The following ZMYM2 variants were observed in gnomAD, a reference collection of about 807,000 sequenced individuals.
ZMYM2 encodes zinc finger MYM-type containing 2.
A neutral mutation model predicts 162.8 loss-of-function variants in ZMYM2; 56 were observed. The ratio of observed to expected loss-of-function variants is 0.34; its 90% confidence interval spans 0.28 to 0.43. ZMYM2 has a LOEUF of 0.43. Among genes scored for constraint, ZMYM2 ranks in the 20% least tolerant of loss-of-function variants. The pLI is 1.00. For missense variants in ZMYM2, 1,275 were observed against 1,621.8 expected (o/e 0.79, Z 3.67); for synonymous variants, 510 against 541.6 (o/e 0.94, Z 0.81).
At chr13:19,878,710 C>G in the ZMYM2 span, among the ~76,000 whole-genome samples, 1 of 151,914 alleles carries the variant, frequency 6.6e-6, no homozygotes, top group Non-Finnish European at 1.5e-5. Context: ...TTAGTAGAGA[C>G]GGGGTTTCAC....
At chr13:19,872,230 T>C in the ZMYM2 span, among the ~76,000 whole-genome samples, 2 of 151,934 alleles carry the variant, frequency 1.3e-5, no homozygotes, top group East Asian at 3.9e-4. Flanking sequence ...ACAGTGCCCA[T>C]CCTCTGATTT....
chr13:20,023,798 A>G (rs1952326141), intron 7 of ZMYM2, among the ~76,000 whole-genome samples: 1 of 152,252 alleles, frequency 6.6e-6, no homozygotes, highest in South Asian at 2.1e-4. Context: ...TAAACATGGC[A>G]TAAAATTATA....
At chr13:19,984,947 T>C (rs1949013217) in intron 2 of ZMYM2, among the ~76,000 whole-genome samples, 2 of 152,222 alleles carry the variant, frequency 1.3e-5, no homozygotes, top group Non-Finnish European at 2.9e-5. Flanking sequence ...AGTGGTTTTC[T>C]TCTGTTTTAA....
chr13:19,871,764 G>A, the ZMYM2 span, among the ~76,000 whole-genome samples: 1 of 152,076 alleles, frequency 6.6e-6, no homozygotes, highest in Non-Finnish European at 1.5e-5. Flanking sequence ...TTCAATATGT[G>A]AAACATTTAC....
At chr13:19,903,874 ATAATAT>A in the ZMYM2 span, among the ~76,000 whole-genome samples, 10 of 151,944 alleles carry the variant, frequency 6.6e-5, no homozygotes, top group African/African-American at 2.4e-5. Context: ...AAATTAAATA[ATAATAT>A]TAATAAAAGA....
At chr13:20,054,777 G>T (rs1390689127) in intron 14 of ZMYM2, among the ~76,000 whole-genome samples, 1 of 152,204 alleles carries the variant, frequency 6.6e-6, no homozygotes, top group African/African-American at 2.4e-5. Context: ...TATGACTTTA[G>T]ATCCTCTCTT....
At chr13:19,866,866 C>CATCT in the ZMYM2 span, among the ~76,000 whole-genome samples, 1 of 151,848 alleles carries the variant, frequency 6.6e-6, no homozygotes, top group African/African-American at 2.4e-5. Context: ...TGCACTCCAG[C>CATCT]ATCTGGGTGC....
rs149630060 is a variant in ZMYM2, at chr13:20,071,052, C to A, written c.3453+3662C>A. 9.5e-3 allele frequency: 1,452 copies of A among 152,932 alleles called. 8 individuals are homozygous for A. The highest frequency in any genetic ancestry group is 0.016 in the Non-Finnish European group (1,080 of 68,036). The allele number at this position is 152,932 out of a possible 1,614,324, so 9.5% of individuals were successfully genotyped here. A position where few individuals can be genotyped will look rare whatever the true frequency, so the allele number is the denominator to read the frequency against. ...AATGAAACAGTCCTTGCTAACAGTT[C>A]TAGATCTCTGGTCCCAATGATCATA... On this transcript the variant is annotated intron_variant, in intron 21 of 24. Coordinates refer to ENST00000610343, the MANE Select transcript of ZMYM2 (RefSeq NM_197968.4).
At chr13:20,076,038 A>T (rs1264174966) in intron 21 of ZMYM2, among the ~76,000 whole-genome samples, 1 of 141,888 alleles carries the variant, frequency 7.0e-6, no homozygotes, top group African/African-American at 3.1e-5. Context: ...TGTTAGCTAG[A>T]TGTGTATATT....
intron 14 of ZMYM2, among the ~76,000 whole-genome samples, chr13:20,056,173 C>A (rs1371410316): frequency 2.0e-5 from 3 of 152,128 alleles, no homozygotes; most frequent in African/African-American, 7.2e-5. Flanking sequence ...ACTCTTGATA[C>A]ACAGAGCTCA....
At chr13:19,971,458 C>G (rs936422793) in intron 2 of ZMYM2, among the ~76,000 whole-genome samples, 3 of 150,760 alleles carry the variant, frequency 2.0e-5, no homozygotes, top group African/African-American at 7.3e-5. Flanking sequence ...TTAGTAGAGA[C>G]GGGGTTTCTC....
intron 12 of ZMYM2, among the ~76,000 whole-genome samples, chr13:20,039,071 C>T (rs1324810193): frequency 1.3e-5 from 2 of 152,036 alleles, no homozygotes; most frequent in Admixed American, 1.3e-4. Flanking sequence ...TAATTTGGCC[C>T]TCAGCTTGAT....
chr13:19,985,167 A>G (rs182982878), intron 2 of ZMYM2, among the ~76,000 whole-genome samples: 9 of 152,328 alleles, frequency 5.9e-5, no homozygotes, highest in Admixed American at 4.6e-4. Context: ...TCTGTTGCCC[A>G]GGCTGGAGTG....
intron 2 of ZMYM2, among the ~76,000 whole-genome samples, chr13:19,991,829 C>T (rs1949654416): frequency 6.7e-6 from 1 of 149,298 alleles, no homozygotes; most frequent in Admixed American, 6.6e-5. Flanking sequence ...GGGGTTTTGT[C>T]ATGTTGCCCA....
At chr13:19,994,727 G>A (rs1294592837) in intron 3 of ZMYM2, among the ~76,000 whole-genome samples, 1 of 151,886 alleles carries the variant, frequency 6.6e-6, no homozygotes, top group Admixed American at 6.6e-5. Flanking sequence ...GACCTCAGGT[G>A]ATCTGCCCAC....
Position 19,972,158 on chromosome 13 carries a change from T to G in ZMYM2, c.-11+12132T>G, listed in dbSNP as rs139063510. ...AGATCAAAGGGATTTTTGTTTAGAC[T>G]CTGTCATAACCCTTGAATGGATTTT... is the stretch of plus-strand genomic sequence containing the variant. On this transcript the variant is annotated intron_variant, in intron 2 of 24. Coordinates refer to ENST00000610343, the MANE Select transcript of ZMYM2 (RefSeq NM_197968.4). 1.1e-4 allele frequency among the ~76,000 whole-genome samples: 16 copies of G among 152,344 alleles called. No homozygotes were observed. The East Asian group carries it at 2.7e-3, about 26-fold the overall frequency.
At chr13:19,971,262 A>ATATATATATATATATTT (rs1329532735) in intron 2 of ZMYM2, among the ~76,000 whole-genome samples, 6 of 78,328 alleles carry the variant, frequency 7.7e-5, no homozygotes, top group Non-Finnish European at 9.6e-5. Context: ...ATATATATAT[A>ATATATATATATATATTT]TTTTTTTTTT....
chr13:20,005,561 A>G lies in ZMYM2; in HGVS notation c.1299+322A>G, dbSNP rs564603188. ...TTTGTCTAGTAATATATTTATTTAA[A>G]CAAGCAGGCAGACTACACAAGAAAT... On this transcript the variant is annotated intron_variant, in intron 5 of 24. Coordinates refer to ENST00000610343, the MANE Select transcript of ZMYM2 (RefSeq NM_197968.4). 5.3e-5 allele frequency among the ~76,000 whole-genome samples: 8 copies of G among 152,294 alleles called. No individual in the cohort carries two copies. In the South Asian group the frequency reaches 1.5e-3, roughly 28 times the overall value.
the ZMYM2 span, among the ~76,000 whole-genome samples, chr13:19,941,267 C>T: frequency 6.6e-5 from 10 of 150,908 alleles, no homozygotes; most frequent in South Asian, 1.5e-3. Flanking sequence ...GAGATTGTGC[C>T]GCTGCACTCC....
Sources: gnomAD v4.1 joint callset for allele counts (sites outside exome capture counted in the v4.1 genomes callset) on GRCh38, gnomAD v4.1.1 for gene constraint, MANE v1.5 for transcripts, NCBI Gene and HGNC (gene_info 2026-07-23, HGNC 2026-07-21) for gene names.